The following CLYBL variants were observed in gnomAD, a reference collection of about 807,000 sequenced individuals.
CLYBL encodes citramalyl-CoA lyase.
A neutral mutation model predicts 38.9 loss-of-function variants in CLYBL; 31 were observed. The ratio of observed to expected loss-of-function variants is 0.80; its 90% CI spans 0.60 to 1.08. CLYBL has a LOEUF of 1.08. CLYBL is among the 50% of genes least tolerant of loss of function. CLYBL has a pLI of 0.00. For missense variants in CLYBL, 434 were observed against 411.6 expected, an observed-to-expected ratio of 1.05 and a Z score of -0.47; for synonymous variants, 171 against 158.6, an observed-to-expected ratio of 1.08 and a Z score of -0.59.
chr13:99,902,308 C>A (rs2052652402), intron 8 of CLYBL, among the ~76,000 whole-genome samples: 1 of 152,154 alleles, frequency 6.6e-6, no homozygotes. Context: ...TGATAATTTT[C>A]ATAATTTTGC....
chr13:99,897,321 G>A (rs2052593592), downstream of CLYBL, among the ~76,000 whole-genome samples: 1 of 152,126 alleles, frequency 6.6e-6, no homozygotes, highest in Non-Finnish European at 1.5e-5. Context: ...CTCCATCCTG[G>A]CCCCATTCCC....
chr13:99,804,242 C>T (rs1409112133), intron 2 of CLYBL, among the ~76,000 whole-genome samples: 1 of 152,260 alleles, frequency 6.6e-6, no homozygotes, highest in East Asian at 1.9e-4. Context: ...AGTCCTGCTG[C>T]AGGAGTTTGG....
At chr13:99,855,123 C>T (rs1594225149) in intron 2 of CLYBL, among the ~76,000 whole-genome samples, 1 of 139,312 alleles carries the variant, frequency 7.2e-6, no homozygotes, top group Admixed American at 7.1e-5. Context: ...TTGATAAAGG[C>T]CTTAATTCCA....
At chr13:99,812,159 T>C (rs2050355094) in intron 2 of CLYBL, among the ~76,000 whole-genome samples, 1 of 152,144 alleles carries the variant, frequency 6.6e-6, no homozygotes, top group Admixed American at 6.5e-5. Flanking sequence ...GGAGGGGAGA[T>C]ATTAAATAGA....
chr13:99,643,878 G>A (rs61974375), intron 1 of CLYBL, among the ~76,000 whole-genome samples: 3,980 of 151,922 alleles, frequency 0.026, 81 homozygotes, highest in Middle Eastern at 0.11. Context: ...TGGTGGCGGC[G>A]CCTGTAATCC....
At chr13:99,854,010 A>G (rs1310027745) in intron 2 of CLYBL, among the ~76,000 whole-genome samples, 1 of 152,218 alleles carries the variant, frequency 6.6e-6, no homozygotes, top group African/African-American at 2.4e-5. Context: ...AAGGGATAGA[A>G]TTTACTGTCG....
At chr13:99,647,652 G>A (rs1026811304) in intron 1 of CLYBL, among the ~76,000 whole-genome samples, 1 of 152,194 alleles carries the variant, frequency 6.6e-6, no homozygotes, top group African/African-American at 2.4e-5. Context: ...TTCCACTCGA[G>A]TGTTTTTCCA....
At chr13:99,633,058 G>GGC (rs2139239866) in intron 1 of CLYBL, among the ~76,000 whole-genome samples, 1 of 151,906 alleles carries the variant, frequency 6.6e-6, no homozygotes, top group East Asian at 1.9e-4. Context: ...TGGCCAACAT[G>GGC]GCAAAACCCT....
intron 1 of CLYBL, among the ~76,000 whole-genome samples, chr13:99,750,588 C>T (rs908214672): frequency 3.3e-5 from 5 of 151,522 alleles, no homozygotes; most frequent in Middle Eastern, 3.4e-3. Flanking sequence ...GCAGAAGAAT[C>T]GCTGGAACCT....
In CLYBL at chr13:99,796,985, T is replaced by A. The variant is rs370947159; in HGVS notation, c.249+23975T>A. On this transcript the variant is annotated intron_variant, in intron 2 of 8. Coordinates refer to ENST00000339105, the MANE Select transcript of CLYBL (RefSeq NM_206808.5). ...GCTTACCAGGGTGCCCAAGACATAG[T>A]CATAGTAGGTATTCAGCAAATATTT... Among the ~76,000 whole-genome samples the A allele has an allele frequency of 5.9e-5, 9 of 152,374 alleles. No homozygotes were observed. In the South Asian group the frequency reaches 1.9e-3, roughly 32 times the overall value.
chr13:99,625,839 C>T (rs928084839), intron 1 of CLYBL, among the ~76,000 whole-genome samples: 1 of 152,222 alleles, frequency 6.6e-6, no homozygotes, highest in Admixed American at 6.5e-5. Context: ...ATTACTGAGG[C>T]AGCTCCTAAG....
chr13:99,837,683 G>T (rs2050970911), intron 2 of CLYBL, among the ~76,000 whole-genome samples: 1 of 152,158 alleles, frequency 6.6e-6, no homozygotes, highest in Admixed American at 6.5e-5. Context: ...TCTCAGGCAG[G>T]TCTTTCTTCT....
rs140040462 is a variant in CLYBL at position 99,700,376 on chromosome 13, G to A, written c.63-72448G>A. Among the ~76,000 whole-genome samples the A allele has an allele frequency of 4.5e-3, 686 of 152,220 alleles. 3 individuals carry two copies. Among genetic ancestry groups the A allele is most frequent in the African/African-American group, 0.016 (644 of 41,536 alleles). On this transcript the variant is annotated intron_variant, in intron 1 of 8. Transcript: ENST00000339105. ...AGGAGAATCACTTGAACCTGGAGGC[G>A]GAGGTTGCGGTGAGCGGAGATCGCA...
intron 1 of CLYBL, among the ~76,000 whole-genome samples, chr13:99,629,681 T>G (rs1456527657): frequency 6.6e-6 from 1 of 152,166 alleles, no homozygotes; most frequent in East Asian, 1.9e-4. Flanking sequence ...GTCCTTCATC[T>G]CAAAGACTGT....
intron 1 of CLYBL, among the ~76,000 whole-genome samples, chr13:99,677,091 CCTGTGTATACGGTCATTTTTATTTTTT>C (rs1252579997): frequency 6.6e-6 from 1 of 151,934 alleles, no homozygotes; most frequent in Non-Finnish European, 1.5e-5. Context: ...GAATGTGACT[CCTGTGTATACGGTCATTTTTATTTTTT>C]CTGTTCCTGG....
chr13:99,749,612 A>G (rs966115693), intron 1 of CLYBL, among the ~76,000 whole-genome samples: 3 of 152,200 alleles, frequency 2.0e-5, no homozygotes, highest in Admixed American at 1.3e-4. Flanking sequence ...CCATGTCTTC[A>G]TTTCAGCACA....
chr13:99,849,955 A>G lies in CLYBL; in HGVS notation c.250-8906A>G, dbSNP rs549550338. 5.9e-5 allele frequency among the ~76,000 whole-genome samples: 9 copies of G among 152,364 alleles called. No individual in the cohort carries two copies. Among genetic ancestry groups the G allele is most frequent in the Non-Finnish European group, 1.2e-4 (8 of 68,036 alleles). ...AGGTGTGAAAATACAAAACAAAAAT[A>G]TCACGATCCCCCCAATCCACACCAT... On this transcript the variant is annotated intron_variant, in intron 2 of 8. Coordinates refer to ENST00000339105, the MANE Select transcript of CLYBL (RefSeq NM_206808.5). The surrounding 1 kb of genome is among the most constrained non-coding windows in gnomAD (Gnocchi z 4.9).
intron 2 of CLYBL, among the ~76,000 whole-genome samples, chr13:99,802,415 A>G (rs2050154157): frequency 6.6e-6 from 1 of 152,158 alleles, no homozygotes; most frequent in Non-Finnish European, 1.5e-5. Flanking sequence ...CTTTAGACAT[A>G]GCAGAATGTA....
intron 1 of CLYBL, among the ~76,000 whole-genome samples, chr13:99,711,017 A>G (rs1352982465): frequency 6.7e-6 from 1 of 149,818 alleles, no homozygotes; most frequent in Non-Finnish European, 1.5e-5. Context: ...CCTCCTGAGT[A>G]GCTGGGATTA....
Sources: gnomAD v4.1 joint callset for allele counts (sites outside exome capture counted in the v4.1 genomes callset) on GRCh38, gnomAD v4.1.1 for gene constraint, Gnocchi (gnomAD v3.1) non-coding constraint, MANE v1.5 for transcripts, NCBI Gene and HGNC (gene_info 2026-07-23, HGNC 2026-07-21) for gene names.